The following EXD1 variants were observed in gnomAD, a reference collection of about 807,000 sequenced individuals.
EXD1 encodes the protein exonuclease 3'-5' domain containing 1.
A neutral mutation model predicts 49.1 loss-of-function variants in EXD1; 63 were observed. That is an observed-to-expected ratio of 1.28 (90% CI 1.05 to 1.58). The LOEUF (loss-of-function observed/expected upper bound fraction) is 1.58, where lower values mean the gene tolerates loss of function less well. EXD1 is among the 40% of genes most tolerant of loss of function. EXD1 has a pLI of 0.00. For missense variants in EXD1, 748 were observed against 666.0 expected, an observed-to-expected ratio of 1.12 and a Z score of -1.36; for synonymous variants, 234 against 239.2, an observed-to-expected ratio of 0.98 and a Z score of 0.20.
chr15:41,211,545 G>C (rs2046921186), intron 6 of EXD1, among the ~76,000 whole-genome samples: 1 of 151,984 alleles, frequency 6.6e-6, no homozygotes. Context: ...CAAAAGGTTT[G>C]GGCAGGGTGG....
chr15:41,226,805 A>G (rs1455783064), intron 1 of EXD1, among the ~76,000 whole-genome samples, 177 bp from the exon 2 acceptor site: 1 of 152,210 alleles, frequency 6.6e-6, no homozygotes, highest in African/African-American at 2.4e-5. Context: ...TACATAGGAA[A>G]CTGAAAACTA....
In EXD1 at chr15:41,230,551, C is replaced by T. The variant is rs111468217; in HGVS notation, c.-126G>A. On this transcript the variant is annotated 5_prime_UTR_variant, in exon 1 of 12. Coordinates refer to ENST00000458580, the MANE Select transcript of EXD1 (RefSeq NM_001286441.2). ...GAAGGAAGTTTGGGAAATCTGGATC[C>T]TAATTTCAGCCAAGTGGTGCGTTCC... 1.2e-4 allele frequency: 192 copies of T among 1,614,080 alleles called. 2 individuals are homozygous for T. In the African/African-American group the frequency reaches 1.7e-3, roughly 15 times the overall value.
rs377285853 is a variant in EXD1, at chr15:41,184,047, C to T, written c.1603G>A (p.Val535Met). ...GGATAAAAAGTGTCACTTGGAGACA[C>T]TCTGGTTTCCTGAGGAAAGGAAGAC... ...SMSSFPQETR[V>M]SPSDTFYPIR... The change falls in exon 12 of 12, where the codon GTG becomes ATG. Residue 535 changes from valine to methionine, a missense_variant. Physicochemically the swap from Val to Met is conservative, Grantham distance 21. Coordinates refer to ENST00000458580, the MANE Select transcript of EXD1 (RefSeq NM_001286441.2). The T allele has an allele frequency of 6.1e-5, 98 of 1,614,086 alleles. No individual in the cohort carries two copies. The highest frequency in any genetic ancestry group is 1.7e-4 in the Admixed American group (10 of 59,998).
chr15:41,217,435 CT>C (rs890360931), intron 3 of EXD1, among the ~76,000 whole-genome samples: 3 of 152,072 alleles, frequency 2.0e-5, no homozygotes, highest in African/African-American at 7.2e-5. Flanking sequence ...TCTAGGGTAC[CT>C]TTGTGGTCAT....
chr15:41,208,683 C>T (rs557901801), intron 7 of EXD1, among the ~76,000 whole-genome samples: 73 of 151,948 alleles, frequency 4.8e-4, no homozygotes, highest in African/African-American at 1.7e-3. Context: ...ACCCAGGAGG[C>T]GGAGGTTGCA....
intron 9 of EXD1, among the ~76,000 whole-genome samples, chr15:41,194,641 A>G (rs1037932914): frequency 6.6e-6 from 1 of 152,224 alleles, no homozygotes; most frequent in Non-Finnish European, 1.5e-5. Flanking sequence ...CAGCAGCAAT[A>G]AGAAACTAAT....
intron 9 of EXD1, among the ~76,000 whole-genome samples, chr15:41,192,594 ATTTTTTTTTTTT>A (rs59054803): frequency 1.2e-3 from 51 of 40,846 alleles, no homozygotes; most frequent in Non-Finnish European, 1.4e-3. Flanking sequence ...TGCGCCAGGC[ATTTTTTTTTTTT>A]TTTTTTTTTT....
Position 41,191,587 on chromosome 15 carries a change from T to C in EXD1, c.721-2A>G. 1 of 1,613,426 alleles carries C rather than the reference T, an allele frequency of 6.2e-7. No homozygotes were observed. The highest frequency in any genetic ancestry group is 1.1e-5 in the South Asian group (1 of 90,958). On this transcript the variant is annotated splice_acceptor_variant, in intron 9 of 11. Coordinates refer to ENST00000458580, the MANE Select transcript of EXD1 (RefSeq NM_001286441.2). LOFTEE classifies it high-confidence loss of function. ...GGAAAACTGAAGTACATCTGCTACCTGTGGTATTTTAAAAAGACAAACAGA... is the reference window on the plus strand; with the variant it reads ...GGAAAACTGAAGTACATCTGCTACCCGTGGTATTTTAAAAAGACAAACAGA...
chr15:41,205,313 C>T (rs961453727), intron 7 of EXD1, among the ~76,000 whole-genome samples: 13 of 152,138 alleles, frequency 8.5e-5, no homozygotes, highest in Non-Finnish European at 1.8e-4. Flanking sequence ...GACAAAAATG[C>T]AGCATAGGTT....
intron 6 of EXD1, among the ~76,000 whole-genome samples, chr15:41,210,964 C>A (rs1308661882): frequency 2.6e-5 from 4 of 152,136 alleles, no homozygotes; most frequent in Admixed American, 2.6e-4. Flanking sequence ...GCTTCATTCC[C>A]AATCAGATGG....
intron 7 of EXD1, among the ~76,000 whole-genome samples, chr15:41,207,966 G>A (rs994045702): frequency 3.3e-5 from 5 of 150,002 alleles, no homozygotes; most frequent in African/African-American, 1.2e-4. Context: ...AGCCAAGATT[G>A]TGTCACTGCA....
intron 7 of EXD1, among the ~76,000 whole-genome samples, chr15:41,197,171 G>T (rs558736926): frequency 6.6e-6 from 1 of 151,674 alleles, no homozygotes; most frequent in African/African-American, 2.4e-5. Context: ...AGAGAAAACA[G>T]GTATAATTTG....
chr15:41,193,572 C>G (rs1271336996), intron 9 of EXD1, among the ~76,000 whole-genome samples: 5 of 151,970 alleles, frequency 3.3e-5, no homozygotes, highest in Non-Finnish European at 7.4e-5. Flanking sequence ...GACCCCATAT[C>G]TTAAAAAAAT....
intron 6 of EXD1, among the ~76,000 whole-genome samples, chr15:41,215,474 C>T (rs530033713): frequency 4.6e-5 from 7 of 152,166 alleles, no homozygotes; most frequent in African/African-American, 1.7e-4. Flanking sequence ...ATCACGAGGT[C>T]AGGAGATCGA....
rs1315653937 is a variant in EXD1 at position 41,183,953 on chromosome 15, C to T, written c.1697G>A (p.Ser566Asn). The T allele has an allele frequency of 1.9e-6, 3 of 1,602,464 alleles. No individual in the cohort carries two copies. In the Admixed American group the frequency reaches 5.2e-5, roughly 28 times the overall value. Residue 566 changes from serine to asparagine, a missense_variant, in exon 12 of 12, where the codon AGT becomes AAT. By Grantham distance (46) the Ser-to-Asn change is conservative. Coordinates refer to ENST00000458580, the MANE Select transcript of EXD1 (RefSeq NM_001286441.2). Reference sequence around the variant, plus strand: ...TCTCTAGGGCAGATTTAGAAAAGGACTTATCCAGGAATCGATCTTCTCCAA... The same window carrying T: ...TCTCTAGGGCAGATTTAGAAAAGGATTTATCCAGGAATCGATCTTCTCCAA... ...PALEKIDSWI[S>N]PFLNLP
chr15:41,186,247 G>A (rs1395333103), intron 11 of EXD1, among the ~76,000 whole-genome samples: 2 of 152,006 alleles, frequency 1.3e-5, no homozygotes, highest in Non-Finnish European at 2.9e-5. Flanking sequence ...TGAGGTGGGT[G>A]GATCACTTGA....
intron 11 of EXD1, among the ~76,000 whole-genome samples, chr15:41,187,798 C>T (rs1250154800): frequency 6.6e-6 from 1 of 151,872 alleles, no homozygotes; most frequent in African/African-American, 2.4e-5. Context: ...GGTGGATCAC[C>T]TGAGGTCAGG....
At chr15:41,187,110 C>T (rs570309546) in intron 11 of EXD1, among the ~76,000 whole-genome samples, 2 of 151,916 alleles carry the variant, frequency 1.3e-5, no homozygotes, top group African/African-American at 4.8e-5. Flanking sequence ...TATCAAACTC[C>T]TGACCTCAGG....
intron 2 of EXD1, among the ~76,000 whole-genome samples, chr15:41,222,764 C>G (rs921623492): frequency 1.4e-5 from 2 of 142,936 alleles, no homozygotes; most frequent in Non-Finnish European, 3.0e-5. Context: ...TGGTGAAACC[C>G]TGTCTCTAAT....
Sources: allele counts gnomAD v4.1 joint callset (sites outside exome capture counted in the v4.1 genomes callset), GRCh38; gene constraint gnomAD v4.1.1; transcripts MANE v1.5; gene names NCBI Gene and HGNC (gene_info 2026-07-23, HGNC 2026-07-21).